The following MACROD2 variants were observed in gnomAD, a reference collection of about 807,000 sequenced individuals.
MACROD2 encodes the protein ADP-ribose glycohydrolase MACROD2.
A neutral mutation model predicts 70.4 loss-of-function variants in MACROD2; 36 were observed. That is an observed-to-expected ratio of 0.51 (90% CI 0.39 to 0.68). The LOEUF is 0.68. Among genes scored for constraint, MACROD2 ranks in the 30% least tolerant of loss-of-function variants. The probability of loss-of-function intolerance (pLI) is 0.00; values close to 1 mark genes in which losing one functional copy is unlikely to be tolerated. For synonymous variants in MACROD2, 172 were observed against 178.8 expected, an observed-to-expected ratio of 0.96 and a Z score of 0.30; for missense variants, 496 against 538.4, an observed-to-expected ratio of 0.92 and a Z score of 0.78.
At chr20:14,515,454 T>TAC (rs771413463) in intron 4 of MACROD2, among the ~76,000 whole-genome samples, 2 of 115,360 alleles carry the variant, frequency 1.7e-5, no homozygotes, top group Admixed American at 8.5e-5. Context: ...ATATGTGAGA[T>TAC]ACACACACAC....
At chr20:14,704,919 A>G (rs1382100908) in intron 5 of MACROD2, among the ~76,000 whole-genome samples, 1 of 151,732 alleles carries the variant, frequency 6.6e-6, no homozygotes, top group Non-Finnish European at 1.5e-5. Flanking sequence ...GTTACTTCCT[A>G]TGGAGGAAGG....
Position 15,095,940 on chromosome 20 carries a change from C to T in MACROD2, c.419-134000C>T, listed in dbSNP as rs527384075. On this transcript the variant is annotated intron_variant, in intron 5 of 17. Coordinates refer to ENST00000684519, the MANE Select transcript of MACROD2 (RefSeq NM_001351661.2). ...GATTAAAATAGATTTAGAAAACAAT[C>T]AGAATTGTGAGAATATAGAAGGGAT... Among the ~76,000 whole-genome samples the T allele has an allele frequency of 4.6e-5, 7 of 151,892 alleles. No homozygotes were observed. The East Asian group carries it at 1.4e-3, about 29-fold the overall frequency.
intron 8 of MACROD2, among the ~76,000 whole-genome samples, chr20:15,660,961 G>A (rs545438268): frequency 1.8e-4 from 28 of 152,186 alleles, no homozygotes; most frequent in African/African-American, 5.1e-4. Context: ...CTAATCATTT[G>A]CATCTGTTTT....
intron 8 of MACROD2, among the ~76,000 whole-genome samples, chr20:15,766,026 C>T (rs116588554): frequency 1.3e-5 from 2 of 152,118 alleles, no homozygotes; most frequent in Non-Finnish European, 2.9e-5. Flanking sequence ...TCTTACTCCT[C>T]CATCTGAAGA....
In MACROD2 at chr20:15,349,770, C is replaced by A. The variant is rs368751136; in HGVS notation, c.541-81635C>A. Among the ~76,000 whole-genome samples, 496 of 107,274 alleles carry A rather than the reference C, an allele frequency of 4.6e-3. 4 individuals are homozygous for A. Among genetic ancestry groups the A allele is most frequent in the Middle Eastern group, 0.016 (3 of 182 alleles). 70.4% of individuals were successfully genotyped at this position (107,274 alleles called of 152,430 possible). On this transcript the variant is annotated intron_variant, in intron 6 of 17. Coordinates refer to ENST00000684519, the MANE Select transcript of MACROD2 (RefSeq NM_001351661.2). The stretch of plus-strand genomic sequence containing the variant: ...AACTCAGTCTCAAAAAAAAAAAAAA[C>A]ACACCACGAAAAATTATGGTGAAAT...
chr20:14,510,767 G>A (rs552901255), intron 4 of MACROD2, among the ~76,000 whole-genome samples: 4 of 152,050 alleles, frequency 2.6e-5, no homozygotes, highest in African/African-American at 9.6e-5. Context: ...CCATGCATAG[G>A]GTTTTCTTAA....
At chr20:14,759,117 G>T (rs2071981866) in intron 5 of MACROD2, among the ~76,000 whole-genome samples, 1 of 151,986 alleles carries the variant, frequency 6.6e-6, no homozygotes, top group Admixed American at 6.5e-5. Flanking sequence ...TTACTGTATA[G>T]ATTGCTTTTC....
chr20:14,133,626 A>G (rs1255388327), intron 3 of MACROD2, among the ~76,000 whole-genome samples: 1 of 152,234 alleles, frequency 6.6e-6, no homozygotes, highest in Non-Finnish European at 1.5e-5. Context: ...AATGGGTGAC[A>G]TTTGTACAGA....
At position 15,056,390 on chromosome 20, in the gene MACROD2, C is replaced by T. The variant is rs551465719; in HGVS notation, c.419-173550C>T. On this transcript the variant is annotated intron_variant, in intron 5 of 17. Transcript: ENST00000684519. ...TGCCCCAAGCACTCAGAGCTCCCGGCGAGACTCCTGTTAACTAGACTGATG... is the reference window on the plus strand; with the variant it reads ...TGCCCCAAGCACTCAGAGCTCCCGGTGAGACTCCTGTTAACTAGACTGATG... 5.5e-4 allele frequency among the ~76,000 whole-genome samples: 83 copies of T among 152,248 alleles called. 1 individual carries two copies. Among genetic ancestry groups the T allele is most frequent in the Non-Finnish European group, 1.1e-3 (78 of 68,008 alleles).
chr20:15,307,923 T>C (rs1336260862), intron 6 of MACROD2, among the ~76,000 whole-genome samples: 1 of 150,046 alleles, frequency 6.7e-6, no homozygotes, highest in Non-Finnish European at 1.5e-5. Context: ...CTAATTTTGA[T>C]CTTAGGATAT....
At chr20:15,316,136 G>A (rs1600233083) in intron 6 of MACROD2, among the ~76,000 whole-genome samples, 1 of 140,482 alleles carries the variant, frequency 7.1e-6, no homozygotes, top group African/African-American at 2.6e-5. Context: ...CCAAAAGAAA[G>A]CAATAATGAA....
At chr20:15,449,289 A>G (rs921085257) in intron 7 of MACROD2, among the ~76,000 whole-genome samples, 2 of 99,968 alleles carry the variant, frequency 2.0e-5, no homozygotes, top group Non-Finnish European at 4.2e-5. Context: ...GAGGGCTCCT[A>G]TTAAAAACAG....
intron 2 of MACROD2, chr20:14,051,907 TC>T: frequency 1.9e-6 from 1 of 517,396 alleles, no homozygotes; most frequent in Non-Finnish European, 3.9e-6. Context: ...TTCTGAACCC[TC>T]CACCATCATT....
At chr20:16,025,287 C>G (rs111568790) in intron 15 of MACROD2, among the ~76,000 whole-genome samples, 98 of 152,198 alleles carry the variant, frequency 6.4e-4, no homozygotes, top group African/African-American at 2.3e-3. Context: ...AGAATGAAGT[C>G]AGCTTGACAA....
chr20:15,522,956 A>C (rs918627299), intron 8 of MACROD2, among the ~76,000 whole-genome samples: 2 of 152,142 alleles, frequency 1.3e-5, no homozygotes, highest in Non-Finnish European at 2.9e-5. Flanking sequence ...TCTCATTACA[A>C]CTCCAGCAAA....
Position 14,638,738 on chromosome 20 carries a change from C to A in MACROD2, c.302-46105C>A, listed in dbSNP as rs536613862. ...GGCCATGGCGGGAGGATCACGAGAT[C>A]AGGAGATCGAGACCATCCTGGCTAA... is the stretch of plus-strand genomic sequence containing the variant. On this transcript the variant is annotated intron_variant, in intron 4 of 17. Coordinates refer to ENST00000684519, the MANE Select transcript of MACROD2 (RefSeq NM_001351661.2). 2.6e-5 allele frequency among the ~76,000 whole-genome samples: 4 copies of A among 152,140 alleles called. No individual in the cohort carries two copies. The East Asian group carries it at 7.7e-4, about 29-fold the overall frequency.
chr20:15,675,405 C>A (rs1054473558), intron 8 of MACROD2, among the ~76,000 whole-genome samples: 1 of 152,308 alleles, frequency 6.6e-6, no homozygotes, highest in East Asian at 1.9e-4. Flanking sequence ...AGCTACAATA[C>A]CCAGAGCCTC....
chr20:15,838,808 G>A (rs2064141022), intron 8 of MACROD2, among the ~76,000 whole-genome samples: 1 of 152,050 alleles, frequency 6.6e-6, no homozygotes, highest in Non-Finnish European at 1.5e-5. Flanking sequence ...CAATAAAATG[G>A]ACTAATGCAA....
chr20:14,176,506 T>C (rs992497947), intron 3 of MACROD2, among the ~76,000 whole-genome samples: 2 of 152,176 alleles, frequency 1.3e-5, no homozygotes, highest in African/African-American at 4.8e-5. Context: ...TTCTATAAGT[T>C]CACCATTGTA....
Sources: allele counts gnomAD v4.1 joint callset (sites outside exome capture counted in the v4.1 genomes callset), GRCh38; gene constraint gnomAD v4.1.1; transcripts MANE v1.5; gene names NCBI Gene and HGNC (gene_info 2026-07-23, HGNC 2026-07-21).